NRG3: variants seen among roughly 807,000 people sequenced by gnomAD.
The protein encoded by NRG3 is neuregulin 3, also known as pro-neuregulin-3, membrane-bound isoform.
A neutral mutation model predicts 66.9 loss-of-function variants in NRG3; 31 were observed. That is an observed-to-expected ratio of 0.46 (90% CI 0.35 to 0.63). The LOEUF is 0.63. NRG3 is among the 20% of genes least tolerant of loss of function. The pLI, the probability that NRG3 is intolerant of heterozygous loss-of-function variation, is 0.00. For missense variants in NRG3, 910 were observed against 878.9 expected, an observed-to-expected ratio of 1.04 and a Z score of -0.45; for synonymous variants, 393 against 359.4, an observed-to-expected ratio of 1.09 and a Z score of -1.06.
At chr10:82,924,085 T>TA (rs1468330340) in intron 4 of NRG3, among the ~76,000 whole-genome samples, 1 of 64,636 alleles carries the variant, frequency 1.5e-5, no homozygotes, top group Non-Finnish European at 2.6e-5. Context: ...CGAGACTGTC[T>TA]CAAAAAAAAA....
intron 1 of NRG3, among the ~76,000 whole-genome samples, chr10:82,357,374 C>T (rs2083850150): frequency 2.6e-5 from 4 of 152,278 alleles, no homozygotes; most frequent in Non-Finnish European, 4.4e-5. Flanking sequence ...TCAGTTGTGA[C>T]GATAATCAGG....
chr10:82,877,806 A>G (rs1380091769), intron 4 of NRG3, among the ~76,000 whole-genome samples: 1 of 152,174 alleles, frequency 6.6e-6, no homozygotes, highest in Non-Finnish European at 1.5e-5. Context: ...ACAGGATATT[A>G]ATATATGTTT....
intron 1 of NRG3, among the ~76,000 whole-genome samples, chr10:82,110,776 G>A (rs2067338094): frequency 6.6e-6 from 1 of 152,092 alleles, no homozygotes; most frequent in Admixed American, 6.6e-5. Flanking sequence ...AGACATCCCA[G>A]TGGAGGTATC....
At chr10:82,347,569 G>C (rs2083113048) in intron 1 of NRG3, among the ~76,000 whole-genome samples, 2 of 151,640 alleles carry the variant, frequency 1.3e-5, no homozygotes, top group African/African-American at 4.8e-5. Context: ...GAGTTCTGTA[G>C]ATGTCTATTA....
At chr10:81,876,483 G>T (rs1316824437) in intron 1 of NRG3, among the ~76,000 whole-genome samples, 1 of 152,170 alleles carries the variant, frequency 6.6e-6, no homozygotes, top group East Asian at 1.9e-4. Flanking sequence ...CCTCACTGCA[G>T]ACCTGCTGGC....
chr10:82,222,184 T>C (rs2075972744), intron 1 of NRG3, among the ~76,000 whole-genome samples: 1 of 152,228 alleles, frequency 6.6e-6, no homozygotes, highest in Non-Finnish European at 1.5e-5. Context: ...TTTATCAATA[T>C]AAAACAAATT....
At chr10:81,964,751 T>A (rs913761769) in intron 1 of NRG3, among the ~76,000 whole-genome samples, 3 of 152,216 alleles carry the variant, frequency 2.0e-5, no homozygotes, top group Admixed American at 6.5e-5. Context: ...TGGCTTTTTT[T>A]AATCTTTTCT....
intron 2 of NRG3, among the ~76,000 whole-genome samples, chr10:82,577,599 C>T (rs1045434870): frequency 5.9e-5 from 9 of 151,448 alleles, no homozygotes; most frequent in African/African-American, 2.2e-4. Flanking sequence ...GAAAATAATC[C>T]CATTGTTTTG....
chr10:82,130,946 C>T (rs2132493273), intron 1 of NRG3, among the ~76,000 whole-genome samples: 1 of 152,228 alleles, frequency 6.6e-6, no homozygotes, highest in Middle Eastern at 3.4e-3. Flanking sequence ...TTATTAATCC[C>T]TTGCCACATG....
chr10:82,611,172 C>A (rs1373400439), intron 2 of NRG3, among the ~76,000 whole-genome samples: 1 of 151,886 alleles, frequency 6.6e-6, no homozygotes, highest in Non-Finnish European at 1.5e-5. Flanking sequence ...TATTTGGTAT[C>A]TTAAGTAGTT....
chr10:82,054,940 A>T (rs545300492), intron 1 of NRG3, among the ~76,000 whole-genome samples: 1 of 151,706 alleles, frequency 6.6e-6, no homozygotes, highest in Admixed American at 6.6e-5. Flanking sequence ...ATATAACGGG[A>T]AGTTCAAGGT....
intron 1 of NRG3, among the ~76,000 whole-genome samples, chr10:82,022,136 T>C (rs922779017): frequency 1.3e-5 from 2 of 152,064 alleles, no homozygotes; most frequent in African/African-American, 4.8e-5. Context: ...TTTCCAATGA[T>C]AAGGAATTTA....
chr10:82,572,904 A>G (rs1278291947), intron 2 of NRG3, among the ~76,000 whole-genome samples: 2 of 151,748 alleles, frequency 1.3e-5, no homozygotes, highest in Non-Finnish European at 2.9e-5. Flanking sequence ...TTGCACATGT[A>G]AGAATTCTGC....
intron 2 of NRG3, among the ~76,000 whole-genome samples, chr10:82,624,850 T>C (rs941033253): frequency 1.4e-5 from 2 of 147,536 alleles, no homozygotes; most frequent in Non-Finnish European, 3.0e-5. Context: ...CCTAACTTAG[T>C]ACTTGGGAAT....
intron 4 of NRG3, among the ~76,000 whole-genome samples, chr10:82,948,344 G>A (rs1049755329): frequency 5.9e-5 from 9 of 152,022 alleles, no homozygotes; most frequent in African/African-American, 2.2e-4. Flanking sequence ...TTGAAATAAA[G>A]TCATGAGATT....
chr10:82,026,867 C>CTGTT (rs1444174612), intron 1 of NRG3, among the ~76,000 whole-genome samples: 1 of 151,822 alleles, frequency 6.6e-6, no homozygotes, highest in Non-Finnish European at 1.5e-5. Context: ...GCAAAAAAAG[C>CTGTT]TGTTGTTCCC....
chr10:82,096,048 A>T (rs979962688), intron 1 of NRG3, among the ~76,000 whole-genome samples: 1 of 152,190 alleles, frequency 6.6e-6, no homozygotes, highest in Non-Finnish European at 1.5e-5. Flanking sequence ...GACGAAAAGG[A>T]ACAGAATGGA....
At chr10:82,735,033 G>A (rs1371421194) in intron 2 of NRG3, among the ~76,000 whole-genome samples, 2 of 151,440 alleles carry the variant, frequency 1.3e-5, no homozygotes, top group African/African-American at 2.4e-5. Flanking sequence ...AAAAAAGAAG[G>A]GAAGGGAAGA....
At chr10:81,956,564 CTG>C (rs1278448793) in intron 1 of NRG3, among the ~76,000 whole-genome samples, 1 of 152,170 alleles carries the variant, frequency 6.6e-6, no homozygotes, top group African/African-American at 2.4e-5. Flanking sequence ...TATCCTGTAA[CTG>C]TACTTTCAAA....
Sources: allele counts gnomAD v4.1 joint callset (sites outside exome capture counted in the v4.1 genomes callset), GRCh38; gene constraint gnomAD v4.1.1; transcripts MANE v1.5; gene names NCBI Gene and HGNC (gene_info 2026-07-23, HGNC 2026-07-21).